Variants in UNC13A observed in about 807,000 individuals in gnomAD.
The protein encoded by UNC13A is unc-13 homolog A, also known as protein unc-13 homolog A.
Under a neutral mutation model 219.7 loss-of-function variants are expected in UNC13A, and 61 were observed. That is an observed-to-expected ratio of 0.28 (90% CI 0.23 to 0.34). The LOEUF (loss-of-function observed/expected upper bound fraction) is 0.34, where lower values mean the gene tolerates loss of function less well. UNC13A is among the 10% of genes least tolerant of loss of function. UNC13A has a pLI of 1.00. For synonymous variants in UNC13A, 920 were observed against 884.6 expected (o/e 1.04, Z -0.71); for missense variants, 1,476 against 2,270.3 (o/e 0.65, Z 7.11).
intron 4 of UNC13A, among the ~76,000 whole-genome samples, chr19:17,670,145 A>T (rs957082717): frequency 5.2e-4 from 79 of 151,528 alleles, no homozygotes; most frequent in African/African-American, 1.7e-3. Context: ...ACGGGGTTTC[A>T]CCGTGTTAGC....
At chr19:17,609,124 A>ATTTTTTTTTTTT (rs71162159) in intron 43 of UNC13A, among the ~76,000 whole-genome samples, 1 of 128,372 alleles carries the variant, frequency 7.8e-6, no homozygotes, top group Non-Finnish European at 1.6e-5. Flanking sequence ...CACCCGGCTA[A>ATTTTTTTTTTTT]TTTTTTTTTT....
rs370754736 is a variant in UNC13A, at chr19:17,611,875, A to G, written c.4559-20T>C. On this transcript the variant is annotated intron_variant, in intron 41 of 43. Transcript: ENST00000519716. ...CCAAGCCTGGGCAGGGCAGGGGAGG[A>G]TGGTCAGCGTGAGCTCTGTTCTTTC... is the stretch of plus-strand genomic sequence containing the variant. 3.2e-5 allele frequency: 52 copies of G among 1,608,996 alleles called. No homozygotes were observed. Among genetic ancestry groups the G allele is most frequent in the Non-Finnish European group, 4.3e-5 (50 of 1,175,820 alleles).
At chr19:17,650,933 A>T (rs1393589099) in intron 12 of UNC13A, among the ~76,000 whole-genome samples, 1 of 128,286 alleles carries the variant, frequency 7.8e-6, no homozygotes, top group African/African-American at 3.0e-5. Context: ...CACCCAGCAA[A>T]TTTTTTTTTT....
chr19:17,635,129 G>A (rs2076900062), intron 26 of UNC13A, among the ~76,000 whole-genome samples: 3 of 152,094 alleles, frequency 2.0e-5, no homozygotes, highest in Admixed American at 2.0e-4. Context: ...GCCTCCCAAA[G>A]TGCTGGGATT....
intron 8 of UNC13A, among the ~76,000 whole-genome samples, chr19:17,662,566 T>C (rs1410763945): frequency 6.6e-6 from 1 of 152,150 alleles, no homozygotes; most frequent in Non-Finnish European, 1.5e-5. Context: ...AAAAATTGTC[T>C]TCCATGAAAC....
intron 1 of UNC13A, among the ~76,000 whole-genome samples, chr19:17,680,896 T>TC (rs1207932421): frequency 4.9e-5 from 5 of 101,224 alleles, no homozygotes; most frequent in South Asian, 3.8e-4. Context: ...TTTCTTTTTT[T>TC]TTTTTTTTTT....
chr19:17,668,263 G>A, intron 5 of UNC13A, 73 bp from the exon 6 acceptor site: 1 of 1,479,310 alleles, frequency 6.8e-7, no homozygotes, highest in Middle Eastern at 1.7e-4. Flanking sequence ...CAGGCCTACT[G>A]AGCTCCACCC....
chr19:17,606,376 G>C, intron 43 of UNC13A, 22 bp from the exon 44 acceptor site: 2 of 1,537,954 alleles, frequency 1.3e-6, no homozygotes, highest in Non-Finnish European at 1.7e-6. Context: ...GGGGCGGAAC[G>C]TGAGACAGGC....
chr19:17,680,051 G>A (rs1473164463), intron 1 of UNC13A, among the ~76,000 whole-genome samples: 1 of 151,424 alleles, frequency 6.6e-6, no homozygotes, highest in Non-Finnish European at 1.5e-5. Context: ...GTCTCAGAGG[G>A]AAAAGGGGAC....
chr19:17,658,247 C>T lies in UNC13A; in HGVS notation c.582G>A (p.Val194=), dbSNP rs1490472251. ...TGCGGTAGTCACTGTCACGATCATC[C>T]ACTGCACTGTCGGGGTCATCGTCTG... ...EQHNDDPDSA[V]DDRDSDYRSE... The change falls in exon 9 of 44, where the codon GTG becomes GTA. Residue 194 remains valine (V), a synonymous_variant. Transcript: ENST00000519716. The T allele has an allele frequency of 6.2e-7, 1 of 1,613,486 alleles. No homozygotes were observed.
chr19:17,652,893 A>G (rs1338375304), intron 11 of UNC13A, among the ~76,000 whole-genome samples: 4 of 152,076 alleles, frequency 2.6e-5, no homozygotes, highest in African/African-American at 7.2e-5. Context: ...TTCTCTTTCA[A>G]CCACCTCAAT....
intron 28 of UNC13A, among the ~76,000 whole-genome samples, chr19:17,631,585 G>T (rs2076855648): frequency 1.3e-5 from 2 of 151,990 alleles, no homozygotes; most frequent in African/African-American, 2.4e-5. Flanking sequence ...GCTGGGAGCA[G>T]AGAACGACAC....
In UNC13A at chr19:17,674,774, G is replaced by A. The variant is rs752600352; in HGVS notation, c.53-18C>T. 6.2e-7 allele frequency: 1 copy of A among 1,607,376 alleles called. No individual in the cohort carries two copies. Among genetic ancestry groups the A allele is most frequent in the Non-Finnish European group, 8.5e-7 (1 of 1,174,036 alleles). On this transcript the variant is annotated intron_variant, in intron 2 of 43. Coordinates refer to ENST00000519716, the MANE Select transcript of UNC13A (RefSeq NM_001080421.3). This position sits in a 1 kb window ranked among gnomAD's most constrained non-coding sequence, Gnocchi z 5.0. ...GAATTTCTCTGTGGCAGTGAGAGTA[G>A]GGGTCAGCGCTGGGGCTCAGGGACT...
At chr19:17,619,936 A>G (rs747922627) in intron 38 of UNC13A, among the ~76,000 whole-genome samples, 1 of 152,092 alleles carries the variant, frequency 6.6e-6, no homozygotes, top group Non-Finnish European at 1.5e-5. Flanking sequence ...TCCCATCTAG[A>G]TGAGGAAAAT....
chr19:17,612,915 A>G (rs1376309856), intron 41 of UNC13A, among the ~76,000 whole-genome samples: 7 of 152,020 alleles, frequency 4.6e-5, no homozygotes, highest in Non-Finnish European at 7.4e-5. Flanking sequence ...AAACTCTTCC[A>G]TGGGTCGGGC....
chr19:17,617,948 T>A (rs1599833643), intron 40 of UNC13A, 99 bp from the exon 41 acceptor site: 3 of 1,463,018 alleles, frequency 2.1e-6, no homozygotes, highest in Non-Finnish European at 2.8e-6. Context: ...TTCTTCCCGC[T>A]ACTACTTTCT....
intron 42 of UNC13A, 76 bp downstream of exon 42, chr19:17,611,687 G>T (rs1434918506): frequency 1.1e-5 from 14 of 1,321,928 alleles, no homozygotes; most frequent in Non-Finnish European, 1.4e-5. Flanking sequence ...AACAAAAAAA[G>T]GGTGTTGCTT....
At chr19:17,687,970 G>A (rs2080146289) in intron 1 of UNC13A, among the ~76,000 whole-genome samples, 1 of 150,012 alleles carries the variant, frequency 6.7e-6, no homozygotes, top group Non-Finnish European at 1.5e-5. Flanking sequence ...CTCCAGCAGC[G>A]GCCACCAGGA....
intron 1 of UNC13A, among the ~76,000 whole-genome samples, chr19:17,685,723 C>T (rs988189161): frequency 6.6e-6 from 1 of 152,172 alleles, no homozygotes; most frequent in Non-Finnish European, 1.5e-5. Flanking sequence ...ACATGGTCTG[C>T]GTAGAGCCTT....
Sources: gnomAD v4.1 joint callset for allele counts (sites outside exome capture counted in the v4.1 genomes callset) on GRCh38, gnomAD v4.1.1 for gene constraint, Gnocchi (gnomAD v3.1) non-coding constraint, MANE v1.5 for transcripts, NCBI Gene and HGNC (gene_info 2026-07-23, HGNC 2026-07-21) for gene names.